Variants in POLA2 observed in about 807,000 individuals in gnomAD.
POLA2 encodes DNA polymerase alpha 2, accessory subunit, also known as DNA polymerase alpha subunit B.
A neutral mutation model predicts 82.8 loss-of-function variants in POLA2; 47 were observed. The observed-to-expected ratio is 0.57, with a 90% CI of 0.45 to 0.72. The LOEUF is 0.72. Among genes scored for constraint, POLA2 ranks in the 30% least tolerant of loss-of-function variants. The pLI is 0.00. For missense variants in POLA2, 634 were observed against 728.1 expected, an observed-to-expected ratio of 0.87 and a Z score of 1.49; for synonymous variants, 287 against 286.8, an observed-to-expected ratio of 1.00 and a Z score of -0.01.
At chr11:65,283,070 G>T (rs1949658039) in intron 10 of POLA2, among the ~76,000 whole-genome samples, 3 of 152,142 alleles carry the variant, frequency 2.0e-5, no homozygotes, top group Admixed American at 2.0e-4. Flanking sequence ...GTTCAAGGTT[G>T]CAGTGAGCTA....
chr11:65,289,221 GC>G, intron 12 of POLA2, 133 bp downstream of exon 12: 1 of 676,244 alleles, frequency 1.5e-6, no homozygotes, highest in East Asian at 2.7e-5. Context: ...AATCATTTTA[GC>G]AGAGCACTTT....
At chr11:65,274,670 C>T (rs1949558260) in intron 4 of POLA2, among the ~76,000 whole-genome samples, 1 of 145,446 alleles carries the variant, frequency 6.9e-6, no homozygotes, top group African/African-American at 2.6e-5. Context: ...ACAGTGACTC[C>T]ATCTCAAAAA....
downstream of POLA2, chr11:65,298,770 T>G (rs1466134146): frequency 6.6e-6 from 1 of 152,176 alleles, no homozygotes; most frequent in Admixed American, 6.5e-5. Context: ...GGGGAGTGGA[T>G]TTTTCCGTTC....
chr11:65,281,787 G>A, intron 9 of POLA2, 55 bp downstream of exon 9: 3 of 1,357,990 alleles, frequency 2.2e-6, no homozygotes. Context: ...AAGTATGTCT[G>A]GAAGCTGTCT....
In POLA2 at chr11:65,287,457, G is replaced by C. The variant is rs115146265; in HGVS notation, c.1007-259G>C. Reference sequence around the variant, plus strand: ...TTCTTTCCTGACTGCCACTTTCCTCGAATCTTTCATGTGCACAGCTCATAA... The same window carrying C: ...TTCTTTCCTGACTGCCACTTTCCTCCAATCTTTCATGTGCACAGCTCATAA... On this transcript the variant is annotated intron_variant, in intron 10 of 17. Coordinates refer to ENST00000265465, the MANE Select transcript of POLA2 (RefSeq NM_002689.4). 1,904 of 282,444 alleles carry C rather than the reference G, an allele frequency of 6.7e-3. 25 individuals are homozygous for C. Among genetic ancestry groups the C allele is most frequent in the African/African-American group, 0.038 (1,745 of 45,752 alleles). 17.5% of individuals were successfully genotyped at this position (282,444 alleles called of 1,614,324 possible). A position where few individuals can be genotyped will look rare whatever the true frequency, so the allele number is the denominator to read the frequency against.
At chr11:65,281,831 T>A in intron 9 of POLA2, 99 bp downstream of exon 9, 1 of 950,704 alleles carries the variant, frequency 1.1e-6, no homozygotes, top group Non-Finnish European at 1.7e-6. Context: ...GGAGCCCATT[T>A]ATTTGTTAGT....
chr11:65,293,367 T>C (rs1266154077), intron 13 of POLA2, among the ~76,000 whole-genome samples: 1 of 152,116 alleles, frequency 6.6e-6, no homozygotes, highest in Non-Finnish European at 1.5e-5. Context: ...CCCAACACTT[T>C]GGGAGGCCAA....
At chr11:65,292,035 T>G (rs1673016463) in intron 13 of POLA2, among the ~76,000 whole-genome samples, 1 of 152,134 alleles carries the variant, frequency 6.6e-6, no homozygotes, top group Non-Finnish European at 1.5e-5. Context: ...GGTCAGGAAT[T>G]CAAGACCAAC....
chr11:65,304,885 G>C (rs190957427), intron 8 of POLA2, among the ~76,000 whole-genome samples: 143 of 152,188 alleles, frequency 9.4e-4, no homozygotes, highest in African/African-American at 3.3e-3. Context: ...GCACGTGGCA[G>C]TCAGAGTGGT....
Position 65,278,846 on chromosome 11 carries a change from T to A in POLA2, c.578T>A (p.Leu193Gln). ...SGRGGAGNIS[L>Q]KVLGCPEALT... Reference sequence around the variant, plus strand: ...AGAGGAGGAGCTGGAAACATCAGCCTGAAGGTCTTGGGATGTCCAGAGGCA... The same window carrying A: ...AGAGGAGGAGCTGGAAACATCAGCCAGAAGGTCTTGGGATGTCCAGAGGCA... Residue 193 changes from leucine (L) to glutamine (Q), a missense_variant, in exon 6 of 18, where the codon CTG becomes CAG. Transcript: ENST00000265465. 1.2e-6 allele frequency: 2 copies of A among 1,613,900 alleles called. No homozygotes were observed. Among genetic ancestry groups the A allele is most frequent in the Non-Finnish European group, 1.7e-6 (2 of 1,180,018 alleles).
At chr11:65,302,070 C>T (rs192864099), downstream of POLA2, among the ~76,000 whole-genome samples, 2 of 152,166 alleles carry the variant, frequency 1.3e-5, no homozygotes, top group South Asian at 4.1e-4. Context: ...GGCAAAGGGG[C>T]CCCTGGGAGG....
intron 10 of POLA2, among the ~76,000 whole-genome samples, chr11:65,284,636 C>T (rs1949676869): frequency 6.6e-6 from 1 of 151,958 alleles, no homozygotes; most frequent in East Asian, 1.9e-4. Context: ...AGCGATTCTC[C>T]TGCCTTAGCC....
At chr11:65,292,855 C>T (rs1330274617) in intron 13 of POLA2, among the ~76,000 whole-genome samples, 1 of 152,154 alleles carries the variant, frequency 6.6e-6, no homozygotes, top group East Asian at 1.9e-4. Flanking sequence ...GAAGTGAGAG[C>T]TATTGGTGGA....
Position 65,266,584 on chromosome 11 carries a change from G to A in POLA2, c.82G>A (p.Val28Ile). 1.2e-6 allele frequency: 2 copies of A among 1,614,120 alleles called. No individual in the cohort carries two copies. Among genetic ancestry groups the A allele is most frequent in the Non-Finnish European group, 1.7e-6 (2 of 1,179,992 alleles). ...TTGTCCAATTTTCCTTTCTACAGTG[G>A]TAGAGCTTTGTGTTCAGTATGGACA... is the stretch of plus-strand genomic sequence containing the variant. ...DCEEALIEKLVELCVQYGQNE... is the reference protein window; with the variant it reads ...DCEEALIEKLIELCVQYGQNE... The change falls in exon 2 of 18, where the codon GTA becomes ATA. Residue 28 changes from valine to isoleucine, a missense_variant and splice_region_variant. By Grantham distance (29) the Val-to-Ile change is conservative. Coordinates refer to ENST00000265465, the MANE Select transcript of POLA2 (RefSeq NM_002689.4).
intron 13 of POLA2, among the ~76,000 whole-genome samples, chr11:65,291,927 G>C (rs1330204733): frequency 6.6e-6 from 1 of 152,194 alleles, no homozygotes. Context: ...AGAGCATTAA[G>C]CTGAGTCATC....
chr11:65,297,065 T>G, intron 17 of POLA2, 55 bp from the exon 18 acceptor site: 1 of 1,595,914 alleles, frequency 6.3e-7, no homozygotes, highest in Non-Finnish European at 8.6e-7. Context: ...TTTTTCACAT[T>G]GGTTCCCAGT....
At chr11:65,270,110 T>A (rs1949506898) in intron 4 of POLA2, among the ~76,000 whole-genome samples, 1 of 152,204 alleles carries the variant, frequency 6.6e-6, no homozygotes, top group African/African-American at 2.4e-5. Flanking sequence ...GGATTACAGA[T>A]GTGAGCCACC....
rs1375681207 is a variant in POLA2 at position 65,278,878 on chromosome 11, G to A, written c.610G>A (p.Gly204Arg). The A allele has an allele frequency of 1.9e-6, 3 of 1,613,700 alleles. No individual in the cohort carries two copies. The highest frequency in any genetic ancestry group is 1.7e-6 in the Non-Finnish European group (2 of 1,180,004). Residue 204 changes from glycine (G) to arginine (R), a missense_variant, in exon 6 of 18, where the codon GGG (glycine) becomes AGG (arginine). Gly to Arg is a moderately radical substitution (Grantham distance 125). Transcript: ENST00000265465. ...CTTGGGATGTCCAGAGGCACTAACT[G>A]GGAGCTACAAATCCATGTTTCAGAA... ...KVLGCPEALT[G>R]SYKSMFQKLP...
chr11:65,289,896 G>T, intron 13 of POLA2, 24 bp downstream of exon 13: 1 of 1,468,958 alleles, frequency 6.8e-7, no homozygotes, highest in Admixed American at 1.7e-5. Flanking sequence ...ATACTGGACA[G>T]AACCTTAAGC....
Sources: gnomAD v4.1 joint callset for allele counts (sites outside exome capture counted in the v4.1 genomes callset) on GRCh38, gnomAD v4.1.1 for gene constraint, MANE v1.5 for transcripts, NCBI Gene and HGNC (gene_info 2026-07-23, HGNC 2026-07-21) for gene names.